ADD1: variants seen among roughly 807,000 people sequenced by gnomAD.
ADD1 encodes the protein alpha-adducin.
ADD1 carries 24 observed loss-of-function variants against 80.5 expected under a neutral mutation model. The observed-to-expected ratio is 0.30, with a 90% confidence interval of 0.22 to 0.42. The LOEUF is 0.42. Among genes scored for constraint, ADD1 ranks in the 10% least tolerant of loss-of-function variants. The pLI is 1.00. For synonymous variants in ADD1, 373 were observed against 393.8 expected, an observed-to-expected ratio of 0.95 and a Z score of 0.63; for missense variants, 948 against 1,019.0, an observed-to-expected ratio of 0.93 and a Z score of 0.95.
chr4:2,876,064 A>C lies in ADD1; in HGVS notation c.149A>C (p.Asn50Thr). 3.7e-6 allele frequency: 6 copies of C among 1,614,134 alleles called. No homozygotes were observed. The highest frequency in any genetic ancestry group is 5.1e-6 in the Non-Finnish European group (6 of 1,180,004). The change falls in exon 2 of 16, where the codon AAC becomes ACC. Residue 50 changes from asparagine (N) to threonine (T), a missense_variant. Physicochemically the swap from Asn to Thr is moderately conservative, Grantham distance 65 (BLOSUM62 0). Transcript: ENST00000683351. ...NMAPDLRQDF[N>T]MMEQKKRVSM... ...GCACCAGACCTTCGCCAGGACTTCA[A>C]CATGATGGAGCAAAAGAAGAGGGTG... is the stretch of plus-strand genomic sequence containing the variant.
Position 2,928,589 on chromosome 4 carries a change from T to C in ADD1, c.*66T>C. 6 of 1,526,808 alleles carry C rather than the reference T, an allele frequency of 3.9e-6. No individual in the cohort carries two copies. Among genetic ancestry groups the C allele is most frequent in the Middle Eastern group, 1.7e-4 (1 of 5,858 alleles). The allele number at this position is 1,526,808 out of a possible 1,614,324, so 94.6% of individuals were successfully genotyped here. Reference sequence around the variant, plus strand: ...CTCTGCCAGCGTCCCCGGCCACGTCTGTGCTCTGTCCTTGTGTAATGGAAT... The same window carrying C: ...CTCTGCCAGCGTCCCCGGCCACGTCCGTGCTCTGTCCTTGTGTAATGGAAT... On this transcript the variant is annotated 3_prime_UTR_variant, in exon 16 of 16. Transcript: ENST00000683351.
rs1189064621 is a variant in ADD1, at chr4:2,852,277, CCTT to C, written c.-21+8257_-21+8259del. ...TCTTTCTTTCCTTCCTTCCTTCCTT[CCTT>C]CTTTTCTTTTCTTTTCTTTTCTTTT... On this transcript the variant is annotated intron_variant, in intron 1 of 15. Transcript: ENST00000683351. 2.1e-4 allele frequency among the ~76,000 whole-genome samples: 24 copies of C among 116,420 alleles called. 1 individual carries two copies. Among genetic ancestry groups the C allele is most frequent in the South Asian group, 1.6e-3 (6 of 3,810 alleles). 76.4% of individuals were successfully genotyped at this position (116,420 alleles called of 152,430 possible).
chr4:2,911,533 G>C (rs778057541), intron 13 of ADD1, among the ~76,000 whole-genome samples: 5 of 149,030 alleles, frequency 3.4e-5, no homozygotes, highest in African/African-American at 1.2e-4. Context: ...TGCAACCTCC[G>C]CCTCCCGGGC....
intron 9 of ADD1, chr4:2,903,060 A>G (rs1736447337): frequency 2.0e-5 from 3 of 152,124 alleles, no homozygotes; most frequent in South Asian, 2.1e-4. Flanking sequence ...AATAAAAAAA[A>G]TATTGAAAGA....
At chr4:2,876,198 G>A (rs1731266744) in intron 2 of ADD1, 88 bp downstream of exon 2, 6 of 1,293,350 alleles carry the variant, frequency 4.6e-6, no homozygotes, top group Non-Finnish European at 6.4e-6. Context: ...GAGTGGCATA[G>A]TTCATTGATC....
chr4:2,920,134 T>C (rs1401096333), intron 14 of ADD1, among the ~76,000 whole-genome samples: 2 of 152,256 alleles, frequency 1.3e-5, no homozygotes, highest in African/African-American at 4.8e-5. Flanking sequence ...TCAGTTTCCA[T>C]GTAGTTACGC....
At chr4:2,857,465 G>A (rs927640010) in intron 1 of ADD1, among the ~76,000 whole-genome samples, 9 of 151,940 alleles carry the variant, frequency 5.9e-5, no homozygotes, top group Admixed American at 5.9e-4. Flanking sequence ...AAAATTAGCC[G>A]GACATGATGG....
rs371509929 is a variant in ADD1, at chr4:2,889,416, C to G, written c.511-4597C>G. Among the ~76,000 whole-genome samples the G allele has an allele frequency of 3.9e-5, 6 of 152,202 alleles. No individual in the cohort carries two copies. In the East Asian group the frequency reaches 9.6e-4, roughly 24 times the overall value. ...ACTAATATAGGTGAAAATCACTGGC[C>G]TTGAACCTCTGGCCTAAGGAGAGAT... On this transcript the variant is annotated intron_variant, in intron 4 of 15. Transcript: ENST00000683351.
intron 1 of ADD1, chr4:2,844,444 C>G (rs1171776412): frequency 6.6e-6 from 1 of 152,210 alleles, no homozygotes; most frequent in Non-Finnish European, 1.5e-5. Context: ...TGTCGGCTCT[C>G]GTATTTAAAA....
At chr4:2,915,990 C>T (rs1738963933) in intron 14 of ADD1, among the ~76,000 whole-genome samples, 1 of 151,988 alleles carries the variant, frequency 6.6e-6, no homozygotes, top group South Asian at 2.1e-4. Flanking sequence ...CTGCCGTGGT[C>T]CCATCCAGCA....
At chr4:2,844,205 C>T (rs1158359615) in intron 1 of ADD1, 181 bp downstream of exon 1, 1 of 152,308 alleles carries the variant, frequency 6.6e-6, no homozygotes, top group Admixed American at 6.6e-5. Flanking sequence ...CCCCGCGGGG[C>T]CTTCGGCCTG....
In ADD1 at chr4:2,881,581, A is replaced by G. The variant is rs537187401; in HGVS notation, c.196-317A>G. The G allele has an allele frequency of 1.6e-3, 326 of 207,506 alleles. 1 individual carries two copies. Among genetic ancestry groups the G allele is most frequent in the Middle Eastern group, 6.6e-3 (4 of 606 alleles). The allele number at this position is 207,506 out of a possible 1,614,324, so 12.9% of individuals were successfully genotyped here. ...AGTCCTCTGTTGATTGAAACGTAGG[A>G]TGTTTTTCCCTTTTATCAATAATAC... is the stretch of plus-strand genomic sequence containing the variant. On this transcript the variant is annotated intron_variant, in intron 2 of 15. Transcript: ENST00000683351.
rs779508481 is a variant in ADD1 at position 2,926,667 on chromosome 4, G to A, written c.2047+555G>A. ...GAGACGGATGCGCTAGAGAGTACCTGTTACCCTAGTAAGTACCGTGCTGCC... is the reference window on the plus strand; with the variant it reads ...GAGACGGATGCGCTAGAGAGTACCTATTACCCTAGTAAGTACCGTGCTGCC... On this transcript the variant is annotated intron_variant, in intron 15 of 15. Coordinates refer to ENST00000683351, the MANE Select transcript of ADD1 (RefSeq NM_001354761.2). This position sits in a 1 kb window ranked among gnomAD's most constrained non-coding sequence, Gnocchi z 5.0. 1 of 1,613,956 alleles carries A rather than the reference G, an allele frequency of 6.2e-7. No homozygotes were observed. The highest frequency in any genetic ancestry group is 8.5e-7 in the Non-Finnish European group (1 of 1,179,904).
intron 6 of ADD1, among the ~76,000 whole-genome samples, chr4:2,896,525 A>G (rs1407585617): frequency 6.6e-6 from 1 of 152,008 alleles, no homozygotes; most frequent in African/African-American, 2.4e-5. Context: ...TGATGTTTTA[A>G]TGTCATGTGT....
chr4:2,875,914 C>G lies in ADD1; in HGVS notation c.-2C>G. On this transcript the variant is annotated 5_prime_UTR_variant, in exon 2 of 16. Coordinates refer to ENST00000683351, the MANE Select transcript of ADD1 (RefSeq NM_001354761.2). ...TCTGTAGGAACCTAGAAAGATTGTACAATGAATGGTGATTCTCGTGCTGCG... is the reference window on the plus strand; with the variant it reads ...TCTGTAGGAACCTAGAAAGATTGTAGAATGAATGGTGATTCTCGTGCTGCG... 5 of 1,584,790 alleles carry G rather than the reference C, an allele frequency of 3.2e-6. No individual in the cohort carries two copies. Among genetic ancestry groups the G allele is most frequent in the Non-Finnish European group, 4.3e-6 (5 of 1,168,698 alleles).
Position 2,898,166 on chromosome 4 carries a change from C to G in ADD1, c.742-18C>G. 1 of 1,596,386 alleles carries G rather than the reference C, an allele frequency of 6.3e-7. No homozygotes were observed. The highest frequency in any genetic ancestry group is 1.1e-5 in the South Asian group (1 of 89,138). Reference sequence around the variant, plus strand: ...AACCCCAGGTTTTCCTTCTTCATGGCGACCATTTGGTCTCTAGGTCTCTGC... The same window carrying G: ...AACCCCAGGTTTTCCTTCTTCATGGGGACCATTTGGTCTCTAGGTCTCTGC... On this transcript the variant is annotated intron_variant, in intron 6 of 15. Transcript: ENST00000683351.
At chr4:2,888,081 A>G (rs1220513995) in intron 4 of ADD1, among the ~76,000 whole-genome samples, 1 of 152,036 alleles carries the variant, frequency 6.6e-6, no homozygotes, top group Non-Finnish European at 1.5e-5. Context: ...TATTTTTGAG[A>G]CAGGGTCTCA....
intron 4 of ADD1, among the ~76,000 whole-genome samples, chr4:2,893,049 T>G (rs556963672): frequency 1.3e-5 from 2 of 152,196 alleles, no homozygotes; most frequent in South Asian, 4.1e-4. Flanking sequence ...CCTGAGTGTC[T>G]GGGACTACAG....
chr4:2,904,102 GGCAGCAA>G (rs1253893129), intron 9 of ADD1, among the ~76,000 whole-genome samples: 1 of 152,156 alleles, frequency 6.6e-6, no homozygotes, highest in African/African-American at 2.4e-5. Context: ...CACAGTGGCT[GGCAGCAA>G]GTAAACCCTG....
Sources: gnomAD v4.1 joint callset for allele counts (sites outside exome capture counted in the v4.1 genomes callset) on GRCh38, gnomAD v4.1.1 for gene constraint, Gnocchi (gnomAD v3.1) non-coding constraint, MANE v1.5 for transcripts, NCBI Gene and HGNC (gene_info 2026-07-23, HGNC 2026-07-21) for gene names.